STT3B: variants seen among roughly 807,000 people sequenced by gnomAD.
STT3B encodes STT3 oligosaccharyltransferase complex catalytic subunit B, also known as dolichyl-diphosphooligosaccharide--protein glycosyltransferase subunit STT3B.
A neutral mutation model predicts 96.8 loss-of-function variants in STT3B; 29 were observed. The ratio of observed to expected loss-of-function variants is 0.30; its 90% CI spans 0.22 to 0.41. The LOEUF is 0.41. STT3B is among the 10% of genes least tolerant of loss of function. The pLI is 1.00. For synonymous variants in STT3B, 367 were observed against 360.0 expected (o/e 1.02, Z -0.22); for missense variants, 640 against 1,022.3 (o/e 0.63, Z 5.10).
At chr3:31,577,743 TATC>T (rs1698293422) in intron 2 of STT3B, among the ~76,000 whole-genome samples, 2 of 152,268 alleles carry the variant, frequency 1.3e-5, no homozygotes, top group East Asian at 1.9e-4. Context: ...CAATAGTCGT[TATC>T]ATGTTCTGCA....
chr3:31,606,945 A>G (rs957695935), intron 5 of STT3B, among the ~76,000 whole-genome samples: 2 of 152,228 alleles, frequency 1.3e-5, no homozygotes, highest in Non-Finnish European at 2.9e-5. Flanking sequence ...CACCTCTTGT[A>G]TCAGCGTGAC....
At chr3:31,584,157 G>T (rs1288753060) in intron 3 of STT3B, among the ~76,000 whole-genome samples, 3 of 152,102 alleles carry the variant, frequency 2.0e-5, no homozygotes, top group Non-Finnish European at 4.4e-5. Flanking sequence ...ACTTATCTTA[G>T]CACTGTTAAA....
At chr3:31,559,146 GGTGT>G (rs55707310) in intron 1 of STT3B, among the ~76,000 whole-genome samples, 12,852 of 116,290 alleles carry the variant, frequency 0.11, 700 homozygotes, top group South Asian at 0.13. Flanking sequence ...TGATTCTTGG[GGTGT>G]GTGTGTGTGT....
chr3:31,591,223 G>A (rs1698655810), intron 3 of STT3B, among the ~76,000 whole-genome samples: 1 of 151,976 alleles, frequency 6.6e-6, no homozygotes, highest in South Asian at 2.1e-4. Flanking sequence ...TAGTGAAGTA[G>A]TTCTCTTTAT....
At chr3:31,611,039 A>G (rs1421896313) in intron 5 of STT3B, among the ~76,000 whole-genome samples, 2 of 152,192 alleles carry the variant, frequency 1.3e-5, no homozygotes, top group Non-Finnish European at 2.9e-5. Flanking sequence ...GTTTACATGG[A>G]TGGATAGAAA....
chr3:31,633,665 A>G (rs1415220095), intron 15 of STT3B, among the ~76,000 whole-genome samples: 1 of 152,154 alleles, frequency 6.6e-6, no homozygotes, highest in Admixed American at 6.5e-5. Context: ...TTATGAGACT[A>G]CTGCAATTCT....
intron 1 of STT3B, among the ~76,000 whole-genome samples, chr3:31,553,641 G>T (rs1697625562): frequency 1.3e-5 from 2 of 152,104 alleles, no homozygotes; most frequent in Admixed American, 1.3e-4. Context: ...CATCATGAGG[G>T]TGATGTTATG....
chr3:31,553,430 G>T (rs138682019), intron 1 of STT3B, among the ~76,000 whole-genome samples: 1 of 152,134 alleles, frequency 6.6e-6, no homozygotes, highest in Non-Finnish European at 1.5e-5. Context: ...ATACTACTCA[G>T]CAGTAAAAAA....
chr3:31,581,740 G>C (rs917623486), intron 3 of STT3B, among the ~76,000 whole-genome samples: 1 of 152,160 alleles, frequency 6.6e-6, no homozygotes, highest in African/African-American at 2.4e-5. Context: ...CTTCTCTTCA[G>C]TTTTTGGAAA....
At chr3:31,567,667 G>T (rs1466809749) in intron 1 of STT3B, among the ~76,000 whole-genome samples, 1 of 152,034 alleles carries the variant, frequency 6.6e-6, no homozygotes, top group Non-Finnish European at 1.5e-5. Context: ...AGATATAAAA[G>T]CCTTAGGTTA....
At chr3:31,591,765 ACAAT>A (rs1240053878) in intron 3 of STT3B, among the ~76,000 whole-genome samples, 1 of 152,134 alleles carries the variant, frequency 6.6e-6, no homozygotes, top group Non-Finnish European at 1.5e-5. Context: ...AATTAAGAAA[ACAAT>A]CAAGAGAGTC....
chr3:31,586,162 G>A (rs1456667709), intron 3 of STT3B, among the ~76,000 whole-genome samples: 1 of 152,066 alleles, frequency 6.6e-6, no homozygotes, highest in Admixed American at 6.6e-5. Context: ...GTAGGTAGTA[G>A]TATCTTATGG....
chr3:31,577,809 T>C lies in STT3B; in HGVS notation c.423+1305T>C, dbSNP rs114920501. ...TAGTACATACGGCAGATAGCTATTATCTGCAGTTCTTGTGGTGCTAATCTT... is the reference window on the plus strand; with the variant it reads ...TAGTACATACGGCAGATAGCTATTACCTGCAGTTCTTGTGGTGCTAATCTT... On this transcript the variant is annotated intron_variant, in intron 2 of 15. Coordinates refer to ENST00000295770, the MANE Select transcript of STT3B (RefSeq NM_178862.3). 1.2e-3 allele frequency among the ~76,000 whole-genome samples: 188 copies of C among 152,282 alleles called. 2 individuals carry two copies. Among genetic ancestry groups the C allele is most frequent in the Middle Eastern group, 6.8e-3 (2 of 294 alleles).
At chr3:31,630,617 A>G (rs1317483123) in intron 14 of STT3B, among the ~76,000 whole-genome samples, 1 of 152,162 alleles carries the variant, frequency 6.6e-6, no homozygotes, top group East Asian at 1.9e-4. Flanking sequence ...TCATACTATT[A>G]GTTTCACTGA....
chr3:31,556,278 A>G (rs1419167531), intron 1 of STT3B, among the ~76,000 whole-genome samples: 1 of 152,100 alleles, frequency 6.6e-6, no homozygotes, highest in African/African-American at 2.4e-5. Flanking sequence ...CTTATATACC[A>G]CACTTCCTTT....
Position 31,622,128 on chromosome 3 carries a change from T to C in STT3B, c.1359T>C (p.Phe453=). The C allele has an allele frequency of 1.9e-6, 3 of 1,614,124 alleles. No individual in the cohort carries two copies. The highest frequency in any genetic ancestry group is 2.5e-6 in the Non-Finnish European group (3 of 1,179,952). Residue 453 remains phenylalanine (F), a synonymous_variant, in exon 10 of 16, where the codon TTT becomes TTC. Coordinates refer to ENST00000295770, the MANE Select transcript of STT3B (RefSeq NM_178862.3). ...VALYAISAVY[F]AGVMVRLMLT... Reference sequence around the variant, plus strand: ...TATATGCAATCAGTGCTGTCTACTTTGCTGGAGTGATGGTGCGACTGATGT... The same window carrying C: ...TATATGCAATCAGTGCTGTCTACTTCGCTGGAGTGATGGTGCGACTGATGT...
intron 6 of STT3B, among the ~76,000 whole-genome samples, chr3:31,616,145 C>T (rs1699302240): frequency 6.6e-6 from 1 of 151,758 alleles, no homozygotes; most frequent in African/African-American, 2.4e-5. Context: ...AGTGGACAGT[C>T]ATGTAGAAAT....
At position 31,633,115 on chromosome 3, in the gene STT3B, A is replaced by T. The variant is rs773689570; in HGVS notation, c.2368A>T (p.Ile790Phe). ...TLDHKPRVTN[I>F]FPKQKYLSKK... ...AGATCACAAACCTCGAGTCACCAAC[A>T]TTTTCCCAAAACAGAAGTATTTGTC... is the stretch of plus-strand genomic sequence containing the variant. The change falls in exon 15 of 16, where the codon ATT (isoleucine) becomes TTT (phenylalanine). Residue 790 changes from isoleucine (I) to phenylalanine (F), a missense_variant. Transcript: ENST00000295770. 1 of 1,613,834 alleles carries T rather than the reference A, an allele frequency of 6.2e-7. No individual in the cohort carries two copies. The highest frequency in any genetic ancestry group is 8.5e-7 in the Non-Finnish European group (1 of 1,179,946).
chr3:31,605,277 C>T (rs1426942433), intron 5 of STT3B, among the ~76,000 whole-genome samples: 1 of 151,844 alleles, frequency 6.6e-6, no homozygotes, highest in Non-Finnish European at 1.5e-5. Flanking sequence ...AGAAATAACA[C>T]TTGTGTGTTA....
Sources: allele counts gnomAD v4.1 joint callset (sites outside exome capture counted in the v4.1 genomes callset), GRCh38; gene constraint gnomAD v4.1.1; transcripts MANE v1.5; gene names NCBI Gene and HGNC (gene_info 2026-07-23, HGNC 2026-07-21).